Variants in GPBP1 observed in about 807,000 individuals in gnomAD.
The protein encoded by GPBP1 is GC-rich promoter binding protein 1, also known as vasculin.
A neutral mutation model predicts 56.5 loss-of-function variants in GPBP1; 13 were observed. The observed-to-expected ratio is 0.23, with a 90% CI of 0.15 to 0.37. The LOEUF (loss-of-function observed/expected upper bound fraction) is 0.37. Ranked by LOEUF, GPBP1 falls within the 10% of genes least tolerant of loss-of-function variation. The pLI is 1.00. For missense variants in GPBP1, 477 were observed against 572.3 expected, an observed-to-expected ratio of 0.83 and a Z score of 1.70; for synonymous variants, 204 against 188.9, an observed-to-expected ratio of 1.08 and a Z score of -0.66.
chr5:57,203,041 T>A (rs948509639), intron 2 of GPBP1, among the ~76,000 whole-genome samples: 2 of 152,204 alleles, frequency 1.3e-5, no homozygotes, highest in Non-Finnish European at 1.5e-5. Flanking sequence ...AGAGTAAAGC[T>A]TATTTTCTTG....
At chr5:57,231,919 G>A (rs1219806913) in intron 5 of GPBP1, among the ~76,000 whole-genome samples, 1 of 151,982 alleles carries the variant, frequency 6.6e-6, no homozygotes, top group East Asian at 1.9e-4. Flanking sequence ...GATAAGCAGC[G>A]AGCTTTTGTT....
At chr5:57,181,688 G>A (rs1441543370) in intron 2 of GPBP1, among the ~76,000 whole-genome samples, 1 of 152,124 alleles carries the variant, frequency 6.6e-6, no homozygotes, top group Non-Finnish European at 1.5e-5. Context: ...CTCCCAAAGT[G>A]CTGGAATTAC....
chr5:57,180,764 CAG>C (rs1453268173), intron 2 of GPBP1, among the ~76,000 whole-genome samples: 5 of 152,084 alleles, frequency 3.3e-5, no homozygotes, highest in Admixed American at 6.6e-5. Flanking sequence ...TGTTTTGAGA[CAG>C]AGTCTCGCTC....
At chr5:57,239,167 T>C (rs907246441) in intron 6 of GPBP1, among the ~76,000 whole-genome samples, 2 of 152,228 alleles carry the variant, frequency 1.3e-5, no homozygotes, top group East Asian at 3.8e-4. Flanking sequence ...GTTGAAATTA[T>C]AGTGTTTTAA....
At chr5:57,215,875 A>G (rs1479165003) in intron 3 of GPBP1, among the ~76,000 whole-genome samples, 1 of 150,176 alleles carries the variant, frequency 6.7e-6, no homozygotes, top group Admixed American at 6.7e-5. Context: ...CTTCATGGAG[A>G]GGAGCCTCTT....
At chr5:57,193,949 C>A (rs1479337634) in intron 2 of GPBP1, among the ~76,000 whole-genome samples, 1 of 152,126 alleles carries the variant, frequency 6.6e-6, no homozygotes, top group African/African-American at 2.4e-5. Context: ...CTTAGCAGTT[C>A]CCCTCTGCGG....
intron 2 of GPBP1, among the ~76,000 whole-genome samples, chr5:57,213,339 C>T (rs772602060): frequency 6.6e-6 from 1 of 152,210 alleles, no homozygotes; most frequent in Non-Finnish European, 1.5e-5. Context: ...GCATGAGCCA[C>T]TGCACTTGGC....
intron 6 of GPBP1, among the ~76,000 whole-genome samples, chr5:57,244,339 G>T (rs1193154667): frequency 6.6e-6 from 1 of 152,122 alleles, no homozygotes; most frequent in Admixed American, 6.5e-5. Context: ...AGTTGTGTTT[G>T]GTTTCCTCCC....
chr5:57,243,886 A>T (rs1012540864), intron 6 of GPBP1, among the ~76,000 whole-genome samples: 1 of 151,748 alleles, frequency 6.6e-6, no homozygotes, highest in African/African-American at 2.4e-5. Flanking sequence ...ACAAAGTTTC[A>T]CTATATTGCC....
At chr5:57,192,212 T>TA (rs1372197895) in intron 2 of GPBP1, among the ~76,000 whole-genome samples, 2 of 152,172 alleles carry the variant, frequency 1.3e-5, no homozygotes, top group African/African-American at 4.8e-5. Context: ...AAAATGCACT[T>TA]ACCTGAGCTG....
At chr5:57,222,889 A>G (rs143377622) in intron 3 of GPBP1, among the ~76,000 whole-genome samples, 146 of 152,288 alleles carry the variant, frequency 9.6e-4, no homozygotes, top group Middle Eastern at 3.4e-3. Flanking sequence ...AATTAGATGA[A>G]AAGATGGTAT....
chr5:57,262,876 G>C lies in GPBP1; in HGVS notation c.*124G>C. 1 of 791,614 alleles carries C rather than the reference G, an allele frequency of 1.3e-6. No homozygotes were observed. The highest frequency in any genetic ancestry group is 2.5e-4 in the Middle Eastern group (1 of 4,062). The allele number at this position is 791,614 out of a possible 1,614,324, so 49.0% of individuals were successfully genotyped here. A position where few individuals can be genotyped will look rare whatever the true frequency, so the allele number is the denominator to read the frequency against. ...TACCCCATTAGAAGAGGATTTTTTG[G>C]GGGACTTCAATATGAAGAAAACCAA... On this transcript the variant is annotated 3_prime_UTR_variant, in exon 12 of 12. Coordinates refer to ENST00000506184, the MANE Select transcript of GPBP1 (RefSeq NM_022913.4).
chr5:57,261,508 G>A (rs1741891372), intron 11 of GPBP1, among the ~76,000 whole-genome samples: 1 of 152,092 alleles, frequency 6.6e-6, no homozygotes, highest in African/African-American at 2.4e-5. Context: ...TGGAGTAACT[G>A]GGACTACAGG....
chr5:57,214,532 C>T (rs1003562080), intron 3 of GPBP1, among the ~76,000 whole-genome samples: 1 of 152,086 alleles, frequency 6.6e-6, no homozygotes, highest in African/African-American at 2.4e-5. Context: ...TTGTGGTGAG[C>T]TGAGGTCGCG....
chr5:57,202,724 T>G (rs972112543), intron 2 of GPBP1, among the ~76,000 whole-genome samples: 26 of 152,364 alleles, frequency 1.7e-4, no homozygotes, highest in Admixed American at 1.2e-3. Flanking sequence ...ATTACAGTTA[T>G]TTGTTAATGC....
At chr5:57,182,967 G>A (rs1754124542) in intron 2 of GPBP1, among the ~76,000 whole-genome samples, 1 of 152,202 alleles carries the variant, frequency 6.6e-6, no homozygotes, top group South Asian at 2.1e-4. Context: ...ACAGGCATGA[G>A]CCACTGCGTC....
In GPBP1 at chr5:57,241,281, A is replaced by T. The variant is rs1443671665; in HGVS notation, c.479-5019A>T. 2.6e-5 allele frequency among the ~76,000 whole-genome samples: 4 copies of T among 152,330 alleles called. No homozygotes were observed. In the East Asian group the frequency reaches 7.7e-4, roughly 29 times the overall value. On this transcript the variant is annotated intron_variant, in intron 6 of 11. Coordinates refer to ENST00000506184, the MANE Select transcript of GPBP1 (RefSeq NM_022913.4). ...GTGTGGCCAATTTACTTTGTATTAT[A>T]TGTGGCAGTATTTTTGTTCTAATTT... is the stretch of plus-strand genomic sequence containing the variant.
rs867592270 is a variant in GPBP1, at chr5:57,192,848, A to G, written c.-58+16448A>G. 1.4e-4 allele frequency among the ~76,000 whole-genome samples: 21 copies of G among 151,954 alleles called. No individual in the cohort carries two copies. In the East Asian group the frequency reaches 2.7e-3, roughly 20 times the overall value. On this transcript the variant is annotated intron_variant, in intron 2 of 11. Transcript: ENST00000506184. Reference sequence around the variant, plus strand: ...ATAAGATCTCTGTCTGATGTATCCTATGTTACTTACAGTATGTATATGTAT... The same window carrying G: ...ATAAGATCTCTGTCTGATGTATCCTGTGTTACTTACAGTATGTATATGTAT...
chr5:57,218,180 G>A (rs561078337), intron 3 of GPBP1, among the ~76,000 whole-genome samples: 5 of 152,158 alleles, frequency 3.3e-5, no homozygotes, highest in Non-Finnish European at 7.4e-5. Flanking sequence ...GACACTACCT[G>A]GGTATCCTAT....
Sources: allele counts gnomAD v4.1 joint callset (sites outside exome capture counted in the v4.1 genomes callset), GRCh38; gene constraint gnomAD v4.1.1; transcripts MANE v1.5; gene names NCBI Gene and HGNC (gene_info 2026-07-23, HGNC 2026-07-21).